CHD9: variants seen among roughly 807,000 people sequenced by gnomAD.
The protein encoded by CHD9 is chromodomain helicase DNA binding protein 9.
Under a neutral mutation model 316.1 loss-of-function variants are expected in CHD9, and 77 were observed. That is an observed-to-expected ratio of 0.24 (90% CI 0.20 to 0.29). CHD9 has a LOEUF of 0.29. CHD9 is among the 10% of genes least tolerant of loss of function. The pLI is 1.00. For missense variants in CHD9, 2,763 were observed against 3,438.1 expected, an observed-to-expected ratio of 0.80 and a Z score of 4.91; for synonymous variants, 1,129 against 1,158.3, an observed-to-expected ratio of 0.97 and a Z score of 0.51.
At chr16:53,192,280 G>A (rs2044542445) in intron 2 of CHD9, among the ~76,000 whole-genome samples, 1 of 152,194 alleles carries the variant, frequency 6.6e-6, no homozygotes, top group Non-Finnish European at 1.5e-5. Flanking sequence ...GAAAACAGAT[G>A]AGTGAAGAAA....
rs200843001 is a variant in CHD9 at position 53,209,751 on chromosome 16, A to G, written c.1722A>G (p.Pro574=). Residue 574 remains proline (P), a synonymous_variant, in exon 3 of 39, where the codon CCA becomes CCG. Transcript: ENST00000447540. ...EKKGRRMKSK[P]KDKDSKKTKT... ...AAGGTAGAAGGATGAAATCCAAGCC[A>G]AAGGACAAAGACAGCAAAAAAACAA... The G allele has an allele frequency of 1.2e-3, 1,976 of 1,613,152 alleles. 5 individuals carry two copies. Among genetic ancestry groups the G allele is most frequent in the Non-Finnish European group, 1.4e-3 (1,598 of 1,179,514 alleles).
chr16:53,312,227 A>G (rs1284088458), intron 34 of CHD9, among the ~76,000 whole-genome samples: 1 of 152,208 alleles, frequency 6.6e-6, no homozygotes, highest in Admixed American at 6.5e-5. Flanking sequence ...ACTAAAGGTA[A>G]AGTAAAAGAA....
intron 1 of CHD9, among the ~76,000 whole-genome samples, chr16:53,129,136 C>G (rs2152673927): frequency 6.6e-6 from 1 of 152,318 alleles, no homozygotes; most frequent in Admixed American, 6.5e-5. Context: ...TAGCACTGCT[C>G]TTTAATGACC....
At chr16:53,110,230 A>G (rs1227613039) in intron 1 of CHD9, among the ~76,000 whole-genome samples, 3 of 152,186 alleles carry the variant, frequency 2.0e-5, no homozygotes, top group Non-Finnish European at 1.5e-5. Context: ...ACTTACAGGA[A>G]CAAAGATAAA....
chr16:53,202,046 G>C (rs1711704402), intron 2 of CHD9, among the ~76,000 whole-genome samples: 1 of 151,424 alleles, frequency 6.6e-6, no homozygotes. Context: ...TTTTTTTTAA[G>C]AGATTGTGTC....
chr16:53,179,837 C>T (rs1160045253), intron 2 of CHD9, among the ~76,000 whole-genome samples: 1 of 150,310 alleles, frequency 6.7e-6, no homozygotes, highest in African/African-American at 2.4e-5. Flanking sequence ...GCAGAGGTTG[C>T]AGTGAGCCGA....
chr16:53,293,150 A>T, intron 29 of CHD9, 98 bp downstream of exon 29: 3 of 1,078,372 alleles, frequency 2.8e-6, no homozygotes, highest in Non-Finnish European at 4.0e-6. Context: ...TGGAAAACAT[A>T]CATAGAATGT....
At chr16:53,235,895 A>G (rs2048576470) in intron 11 of CHD9, among the ~76,000 whole-genome samples, 1 of 152,226 alleles carries the variant, frequency 6.6e-6, no homozygotes. Context: ...GAGAAAGCAT[A>G]GTAGTTACAT....
chr16:53,239,895 A>G (rs998858057), intron 12 of CHD9, among the ~76,000 whole-genome samples: 2 of 152,204 alleles, frequency 1.3e-5, no homozygotes, highest in Non-Finnish European at 2.9e-5. Flanking sequence ...ACTATTTTCA[A>G]TTGAAGAATA....
At chr16:53,144,164 A>C (rs1597137092) in intron 1 of CHD9, among the ~76,000 whole-genome samples, 1 of 152,252 alleles carries the variant, frequency 6.6e-6, no homozygotes, top group East Asian at 1.9e-4. Context: ...CTTCCCAATG[A>C]AGCTTATGTC....
At chr16:53,321,304 TCTAC>T (rs2057260688) in intron 37 of CHD9, 1 of 1,352,350 alleles carries the variant, frequency 7.4e-7, no homozygotes, top group East Asian at 3.2e-5. Flanking sequence ...TTCTAGTTAT[TCTAC>T]TTAAAACATT....
chr16:53,165,324 G>C (rs1177575103), intron 2 of CHD9, among the ~76,000 whole-genome samples: 1 of 152,128 alleles, frequency 6.6e-6, no homozygotes. Context: ...ATTACAAAAG[G>C]TGAAGAAAGG....
intron 19 of CHD9, among the ~76,000 whole-genome samples, chr16:53,261,359 CTTTTTTT>C (rs1195811638): frequency 8.1e-5 from 5 of 61,880 alleles, no homozygotes; most frequent in Non-Finnish European, 1.2e-4. Context: ...GTGTTTTAGA[CTTTTTTT>C]TTTTTTTTTT....
At chr16:53,192,604 T>G (rs1480105992) in intron 2 of CHD9, among the ~76,000 whole-genome samples, 1 of 152,216 alleles carries the variant, frequency 6.6e-6, no homozygotes, top group African/African-American at 2.4e-5. Context: ...CACAGATTAT[T>G]GCTCTCATCC....
intron 1 of CHD9, among the ~76,000 whole-genome samples, chr16:53,076,352 A>G (rs1262862631): frequency 6.6e-6 from 1 of 152,196 alleles, no homozygotes; most frequent in African/African-American, 2.4e-5. Flanking sequence ...AGACAGGCAG[A>G]TCACTTAAGG....
intron 3 of CHD9, among the ~76,000 whole-genome samples, chr16:53,221,021 T>C (rs940016420): frequency 6.6e-6 from 1 of 152,210 alleles, no homozygotes; most frequent in Non-Finnish European, 1.5e-5. Context: ...ACCCCCACTT[T>C]GGCATTTTAG....
intron 1 of CHD9, among the ~76,000 whole-genome samples, chr16:53,116,915 C>A (rs529884264): frequency 3.9e-5 from 6 of 152,246 alleles, no homozygotes; most frequent in Admixed American, 2.6e-4. Flanking sequence ...AAGATCATGT[C>A]TTTTGCAGGG....
chr16:53,149,112 G>C (rs1026552265), intron 1 of CHD9, among the ~76,000 whole-genome samples: 3 of 152,186 alleles, frequency 2.0e-5, no homozygotes, highest in African/African-American at 7.2e-5. Context: ...ATTGGAGTCA[G>C]AGAGGACAGT....
At chr16:53,124,177 A>G (rs1000470165) in intron 1 of CHD9, among the ~76,000 whole-genome samples, 32 of 152,318 alleles carry the variant, frequency 2.1e-4, no homozygotes, top group African/African-American at 7.0e-4. Flanking sequence ...ATCATTTTAC[A>G]TTCCCACCAG....
Sources: allele counts gnomAD v4.1 joint callset (sites outside exome capture counted in the v4.1 genomes callset), GRCh38; gene constraint gnomAD v4.1.1; transcripts MANE v1.5; gene names NCBI Gene and HGNC (gene_info 2026-07-23, HGNC 2026-07-21).